The following L3MBTL4 variants were observed in gnomAD, a reference collection of about 807,000 sequenced individuals.
L3MBTL4 encodes the protein lethal(3)malignant brain tumor-like protein 4.
A neutral mutation model predicts 84.5 loss-of-function variants in L3MBTL4; 70 were observed. That is an observed-to-expected ratio of 0.83 (90% CI 0.68 to 1.01). L3MBTL4 has a LOEUF of 1.01. Among genes scored for constraint, L3MBTL4 ranks in the 50% least tolerant of loss-of-function variants. The pLI, the probability that L3MBTL4 is intolerant of heterozygous loss-of-function variation, is 0.00. For synonymous variants in L3MBTL4, 274 were observed against 259.8 expected (o/e 1.05, Z -0.52); for missense variants, 715 against 754.8 (o/e 0.95, Z 0.62).
In L3MBTL4 at chr18:6,290,826, C is replaced by T. The variant is rs143016418; in HGVS notation, c.127+11077G>A. Among the ~76,000 whole-genome samples the T allele has an allele frequency of 7.2e-3, 1,100 of 152,256 alleles. 21 individuals are homozygous for T. The highest frequency in any genetic ancestry group is 0.025 in the African/African-American group (1,028 of 41,530). On this transcript the variant is annotated intron_variant, in intron 4 of 18. Transcript: ENST00000317931. ...TACAGGAGTGAGCCACCATGCCCAGCGAGCTGCAAGTTCTTATTATCTACC... is the reference window on the plus strand; with the variant it reads ...TACAGGAGTGAGCCACCATGCCCAGTGAGCTGCAAGTTCTTATTATCTACC...
intron 4 of L3MBTL4, among the ~76,000 whole-genome samples, chr18:6,267,550 T>C (rs1286653475): frequency 6.6e-6 from 1 of 152,242 alleles, no homozygotes; most frequent in African/African-American, 2.4e-5. Context: ...ATTACAGTTA[T>C]GTGCTTTACA....
At chr18:6,030,261 C>G in intron 16 of L3MBTL4, 1 of 980,520 alleles carries the variant, frequency 1.0e-6, no homozygotes, top group Non-Finnish European at 1.2e-6. Context: ...GAGATACCCC[C>G]TTATACCTGT....
chr18:6,031,223 T>C (rs1390550572), intron 16 of L3MBTL4: 6 of 985,334 alleles, frequency 6.1e-6, no homozygotes, highest in Non-Finnish European at 7.2e-6. Flanking sequence ...TAGTTTCTGT[T>C]TCAAAGGGGA....
intron 13 of L3MBTL4, among the ~76,000 whole-genome samples, chr18:6,149,981 A>T (rs2042821519): frequency 6.6e-6 from 1 of 152,112 alleles, no homozygotes; most frequent in African/African-American, 2.4e-5. Context: ...GTACTTATTC[A>T]TGTAAGGGGA....
intron 5 of L3MBTL4, among the ~76,000 whole-genome samples, chr18:6,254,841 C>T (rs1322455786): frequency 2.6e-5 from 4 of 152,120 alleles, no homozygotes; most frequent in Non-Finnish European, 5.9e-5. Context: ...TGCATCCTAA[C>T]CACTGACTGA....
intron 12 of L3MBTL4, among the ~76,000 whole-genome samples, chr18:6,177,717 C>G (rs1023717497): frequency 1.3e-5 from 2 of 152,180 alleles, no homozygotes; most frequent in Non-Finnish European, 2.9e-5. Flanking sequence ...TTGCAGTGCT[C>G]AAGACATAGC....
At chr18:6,109,475 G>A (rs567638404) in intron 14 of L3MBTL4, among the ~76,000 whole-genome samples, 5 of 152,082 alleles carry the variant, frequency 3.3e-5, no homozygotes, top group Admixed American at 6.5e-5. Flanking sequence ...TGTCCAGGAC[G>A]TCCCTGCCCC....
chr18:6,133,246 C>T (rs952529061), intron 14 of L3MBTL4, among the ~76,000 whole-genome samples: 1 of 151,968 alleles, frequency 6.6e-6, no homozygotes, highest in African/African-American at 2.4e-5. Context: ...ACAAGGGCTG[C>T]TGAGCATGTG....
intron 15 of L3MBTL4, chr18:6,081,266 G>T: frequency 4.7e-6 from 1 of 213,970 alleles, no homozygotes; most frequent in African/African-American, 2.3e-5. Flanking sequence ...GGTGGGTGAT[G>T]GGATGGTAGG....
chr18:6,308,265 C>T (rs529416716), intron 3 of L3MBTL4, among the ~76,000 whole-genome samples: 120 of 152,228 alleles, frequency 7.9e-4, no homozygotes, highest in South Asian at 3.7e-3. Flanking sequence ...TTTACCCATA[C>T]GGTAGAAGCA....
intron 3 of L3MBTL4, among the ~76,000 whole-genome samples, chr18:6,305,582 T>C (rs1227309367): frequency 2.0e-5 from 3 of 152,206 alleles, no homozygotes; most frequent in Admixed American, 6.5e-5. Flanking sequence ...TTTCTCAGGT[T>C]TCAAACTTTA....
chr18:6,278,230 G>T (rs555141924), intron 4 of L3MBTL4, among the ~76,000 whole-genome samples: 1 of 151,980 alleles, frequency 6.6e-6, no homozygotes, highest in Non-Finnish European at 1.5e-5. Context: ...TTACATTATG[G>T]TAAATAATTT....
At chr18:6,254,343 G>A (rs549433567) in intron 5 of L3MBTL4, among the ~76,000 whole-genome samples, 2 of 148,342 alleles carry the variant, frequency 1.3e-5, no homozygotes, top group African/African-American at 4.9e-5. Context: ...GTTCACTGCA[G>A]TTGTTCATCA....
chr18:6,329,640 TG>T (rs1039181490), intron 1 of L3MBTL4, among the ~76,000 whole-genome samples: 42 of 152,274 alleles, frequency 2.8e-4, no homozygotes, highest in African/African-American at 8.9e-4. Context: ...CTTCTTGCGG[TG>T]GGAACTGTCT....
intron 16 of L3MBTL4, among the ~76,000 whole-genome samples, chr18:5,979,123 G>A (rs2053094335): frequency 6.6e-6 from 1 of 152,140 alleles, no homozygotes. Context: ...TTGGATGAAG[G>A]AAAGCCTGGA....
chr18:6,118,568 A>G (rs1018083571), intron 14 of L3MBTL4, among the ~76,000 whole-genome samples: 2 of 152,220 alleles, frequency 1.3e-5, no homozygotes, highest in African/African-American at 4.8e-5. Context: ...AAAAACTCAG[A>G]GAAAAGAAAG....
At chr18:6,207,117 A>T (rs2045908341) in intron 12 of L3MBTL4, among the ~76,000 whole-genome samples, 1 of 152,208 alleles carries the variant, frequency 6.6e-6, no homozygotes, top group East Asian at 1.9e-4. Context: ...AGATTGTTTC[A>T]TGACATGTGA....
chr18:5,983,835 ATAC>A (rs2145044041), intron 16 of L3MBTL4, among the ~76,000 whole-genome samples: 1 of 152,278 alleles, frequency 6.6e-6, no homozygotes, highest in East Asian at 1.9e-4. Flanking sequence ...TGATTTCCTC[ATAC>A]TAAACACTCC....
intron 3 of L3MBTL4, among the ~76,000 whole-genome samples, chr18:6,306,282 C>T (rs2146887691): frequency 6.6e-6 from 1 of 152,324 alleles, no homozygotes; most frequent in East Asian, 1.9e-4. Flanking sequence ...CATCACTCTA[C>T]TGGAATTCAG....
Sources: allele counts gnomAD v4.1 joint callset (sites outside exome capture counted in the v4.1 genomes callset), GRCh38; gene constraint gnomAD v4.1.1; transcripts MANE v1.5; gene names NCBI Gene and HGNC (gene_info 2026-07-23, HGNC 2026-07-21).